The following SREBF1 variants were observed in gnomAD, a reference collection of about 807,000 sequenced individuals.
SREBF1 encodes sterol regulatory element-binding protein 1.
In SREBF1, 45 loss-of-function variants were observed where a neutral mutation model predicts 100.1. The ratio of observed to expected loss-of-function variants is 0.45; its 90% CI spans 0.35 to 0.58. The LOEUF (loss-of-function observed/expected upper bound fraction) is 0.58. Ranked by LOEUF, SREBF1 falls within the 20% of genes least tolerant of loss-of-function variation. The pLI is 0.00. For missense variants in SREBF1, 1,324 were observed against 1,539.4 expected (o/e 0.86, Z 2.34); for synonymous variants, 657 against 681.8 (o/e 0.96, Z 0.57).
chr17:17,836,751 C>A lies in SREBF1; in HGVS notation c.67G>T (p.Ala23Ser). The change falls in exon 1 of 19, where the codon GCG becomes TCG. Residue 23 changes from alanine (A) to serine (S), a missense_variant. Ala to Ser is a moderately conservative substitution (Grantham distance 99). Coordinates refer to ENST00000261646, the MANE Select transcript of SREBF1 (RefSeq NM_004176.5). ...CCTTCGATGTCGGTCAGCAGCGCCG[C>A]GTCCAGATCGCACGGCTCGCCCAGC... ...QALGEPCDLD[A>S]ALLTDIEDML... The A allele has an allele frequency of 6.4e-7, 1 of 1,573,026 alleles. No individual in the cohort carries two copies. The highest frequency in any genetic ancestry group is 1.3e-5 in the African/African-American group (1 of 74,476).
chr17:17,812,741 C>T lies in SREBF1; in HGVS notation c.3325G>A (p.Val1109Met), dbSNP rs774820966. 3.2e-6 allele frequency: 5 copies of T among 1,559,998 alleles called. No homozygotes were observed. Among genetic ancestry groups the T allele is most frequent in the Admixed American group, 1.8e-5 (1 of 54,372 alleles). Residue 1109 changes from valine to methionine, a missense_variant, in exon 19 of 19, where the codon GTG becomes ATG. By Grantham distance (21) the Val-to-Met change is conservative. Transcript: ENST00000261646. ...PGFLSAPGQR[V>M]GMLAEAARTL... ...CGCGCCGCCTCAGCCAGCATGCCCA[C>T]GCGCTGCCCGGGCGCCGACAGGAAG... is the stretch of plus-strand genomic sequence containing the variant.
chr17:17,815,157 C>T, intron 13 of SREBF1, 64 bp downstream of exon 13: 1 of 1,489,464 alleles, frequency 6.7e-7, no homozygotes, highest in Non-Finnish European at 9.4e-7. Context: ...AGGGTTGAGG[C>T]CAGAGCTATT....
chr17:17,811,982 G>T lies in SREBF1; in HGVS notation c.*640C>A. 2.2e-6 allele frequency: 1 copy of T among 444,528 alleles called. No individual in the cohort carries two copies. The highest frequency in any genetic ancestry group is 4.5e-6 in the Non-Finnish European group (1 of 223,382). 27.5% of individuals were successfully genotyped at this position (444,528 alleles called of 1,614,324 possible). The stretch of plus-strand genomic sequence containing the variant: ...GTTAAAAGTTGTGTACCTTGTGGCC[G>T]GAGGGGGAGGGGAAGCCTTTCCCTA... On this transcript the variant is annotated 3_prime_UTR_variant, in exon 19 of 19. Coordinates refer to ENST00000261646, the MANE Select transcript of SREBF1 (RefSeq NM_004176.5).
Position 17,817,605 on chromosome 17 carries a change from G to A in SREBF1, c.1404+91C>T. 2 of 1,562,428 alleles carry A rather than the reference G, an allele frequency of 1.3e-6. No individual in the cohort carries two copies. Among genetic ancestry groups the A allele is most frequent in the Non-Finnish European group, 1.8e-6 (2 of 1,142,792 alleles). ...CAGTTATTCTGTCTATGAAATGGGA[G>A]GTAGGATCTGTTAGGGTCTTCCCGG... On this transcript the variant is annotated intron_variant, in intron 7 of 18. Coordinates refer to ENST00000261646, the MANE Select transcript of SREBF1 (RefSeq NM_004176.5). This position sits in a 1 kb window ranked among gnomAD's most constrained non-coding sequence, Gnocchi z 6.6.
chr17:17,819,673 G>A lies in SREBF1; in HGVS notation c.576C>T (p.Ser192=), dbSNP rs372105506. 1.6e-5 allele frequency: 26 copies of A among 1,611,564 alleles called. No homozygotes were observed. The highest frequency in any genetic ancestry group is 1.9e-5 in the Non-Finnish European group (22 of 1,179,230). The part of the protein sequence containing the change: ...QQPLPGLPLA[S]PPGVPPVSLH... ...AGGAGACGGGCGGGACCCCTGGCGG[G>A]GAAGCCAGTGGCAGGCCAGGCAGCG... Residue 192 remains serine, a synonymous_variant, in exon 3 of 19, where the codon TCC becomes TCT. Coordinates refer to ENST00000261646, the MANE Select transcript of SREBF1 (RefSeq NM_004176.5).
At chr17:17,829,183 C>A (rs1181987574) in intron 1 of SREBF1, among the ~76,000 whole-genome samples, 2 of 100,964 alleles carry the variant, frequency 2.0e-5, no homozygotes, top group East Asian at 2.9e-4. Flanking sequence ...CAGAACGAGA[C>A]TCCATCTTAA....
At chr17:17,829,985 T>G (rs2034758644) in intron 1 of SREBF1, among the ~76,000 whole-genome samples, 1 of 152,098 alleles carries the variant, frequency 6.6e-6, no homozygotes, top group African/African-American at 2.4e-5. Context: ...TTGTTCCCCA[T>G]GGCGGGGGGT....
chr17:17,819,198 G>C lies in SREBF1; in HGVS notation c.883C>G (p.Pro295Ala), dbSNP rs748528832. 8 of 1,614,036 alleles carry C rather than the reference G, an allele frequency of 5.0e-6. No homozygotes were observed. In the Admixed American group the frequency reaches 1.3e-4, roughly 27 times the overall value. The part of the protein sequence containing the change: ...VSGGTILATV[P>A]LVVDAEKLPI... The stretch of plus-strand genomic sequence containing the variant: ...AGCTTCTCCGCATCTACGACCAGTG[G>C]GACTGTTGCCAAGATGGTTCCGCCA... Residue 295 changes from proline (P) to alanine (A), a missense_variant, in exon 5 of 19, where the codon CCA becomes GCA. Transcript: ENST00000261646.
chr17:17,819,685 C>A lies in SREBF1; in HGVS notation c.564G>T (p.Leu188=). Residue 188 remains leucine (L), a synonymous_variant, in exon 3 of 19, where the codon CTG becomes CTT. Coordinates refer to ENST00000261646, the MANE Select transcript of SREBF1 (RefSeq NM_004176.5). ...GGACCCCTGGCGGGGAAGCCAGTGG[C>A]AGGCCAGGCAGCGGCTGCTGGGTGT... ...PGNTQQPLPG[L]PLASPPGVPP... 1 of 1,610,326 alleles carries A rather than the reference C, an allele frequency of 6.2e-7. No homozygotes were observed. Among genetic ancestry groups the A allele is most frequent in the African/African-American group, 1.3e-5 (1 of 75,024 alleles).
At chr17:17,825,033 TAAGAC>T (rs1174036345) in intron 1 of SREBF1, among the ~76,000 whole-genome samples, 1 of 152,138 alleles carries the variant, frequency 6.6e-6, no homozygotes, top group African/African-American at 2.4e-5. Context: ...ATGAGTGACT[TAAGAC>T]AGGGAAGCGT....
chr17:17,836,529 G>T (rs2143264336), intron 1 of SREBF1, among the ~76,000 whole-genome samples, 198 bp downstream of exon 1: 1 of 152,272 alleles, frequency 6.6e-6, no homozygotes, highest in South Asian at 2.1e-4. Flanking sequence ...ACCCACAAGC[G>T]CGCGGCCCGA....
At chr17:17,835,504 A>C (rs966138251) in intron 1 of SREBF1, among the ~76,000 whole-genome samples, 3 of 152,060 alleles carry the variant, frequency 2.0e-5, no homozygotes, top group Non-Finnish European at 4.4e-5. Context: ...GGTGGCATAG[A>C]TATATCTGTT....
chr17:17,814,485 G>A lies in SREBF1; in HGVS notation c.2736-75C>T, dbSNP rs536487832. 167 of 1,541,002 alleles carry A rather than the reference G, an allele frequency of 1.1e-4. 1 individual carries two copies. Among genetic ancestry groups the A allele is most frequent in the Middle Eastern group, 3.5e-4 (2 of 5,646 alleles). On this transcript the variant is annotated intron_variant, in intron 15 of 18. Coordinates refer to ENST00000261646, the MANE Select transcript of SREBF1 (RefSeq NM_004176.5). ...TGGCTGAGTGCCCCCCACTTCCCTGGCTCGAGTTCCCTGAGGAAAAAAGGT... is the reference window on the plus strand; with the variant it reads ...TGGCTGAGTGCCCCCCACTTCCCTGACTCGAGTTCCCTGAGGAAAAAAGGT...
At chr17:17,825,369 G>T (rs1712752366) in intron 1 of SREBF1, among the ~76,000 whole-genome samples, 1 of 152,136 alleles carries the variant, frequency 6.6e-6, no homozygotes, top group African/African-American at 2.4e-5. Flanking sequence ...AGCCCCAGGG[G>T]CAGCAGAGTC....
In SREBF1 at chr17:17,817,302, G is replaced by C. The variant is rs1300930104; in HGVS notation, c.1560C>G (p.Ser520Arg). The C allele has an allele frequency of 6.2e-7, 1 of 1,607,342 alleles. No homozygotes were observed. Among genetic ancestry groups the C allele is most frequent in the Admixed American group, 1.7e-5 (1 of 58,794 alleles). ...CGTTGCGCCCAGGGCTATGGTAGAC[G>C]CTGGTGGTATCTGAGGGGCTGGGAA... The part of the protein sequence containing the change: ...RGLPSPSDTT[S>R]VYHSPGRNVL... The change falls in exon 8 of 19, where the codon AGC becomes AGG. Residue 520 changes from serine (S) to arginine (R), a missense_variant. By Grantham distance (110) the Ser-to-Arg change is moderately radical (BLOSUM62 -1). Coordinates refer to ENST00000261646, the MANE Select transcript of SREBF1 (RefSeq NM_004176.5). The surrounding 1 kb of genome is among the most constrained non-coding windows in gnomAD (Gnocchi z 6.6).
At chr17:17,832,938 A>C (rs4925117) in intron 1 of SREBF1, among the ~76,000 whole-genome samples, 83,309 of 149,412 alleles carry the variant, frequency 0.56, 23,972 homozygotes, top group Non-Finnish European at 0.63. Flanking sequence ...AACAAACAAA[A>C]AAAAAAAAAC....
chr17:17,836,805 G>T lies in SREBF1; in HGVS notation c.13C>A (p.Pro5Thr). ...TGCTCCAAAGCCGCCTCGCTGAAGG[G>T]TGGCTCGTCCATGGCGCAGCCGCCT... MDEP[P>T]FSEAALEQAL... The change falls in exon 1 of 19, where the codon CCC (proline) becomes ACC (threonine). Residue 5 changes from proline to threonine, a missense_variant. Transcript: ENST00000261646. The T allele has an allele frequency of 6.5e-7, 1 of 1,541,006 alleles. No individual in the cohort carries two copies. The highest frequency in any genetic ancestry group is 8.7e-7 in the Non-Finnish European group (1 of 1,150,388).
At chr17:17,813,120 G>A in intron 18 of SREBF1, 1 of 603,136 alleles carries the variant, frequency 1.7e-6, no homozygotes, top group Non-Finnish European at 2.9e-6. Context: ...TAACCATCAA[G>A]AAGATGCTTG....
At chr17:17,816,907 T>C in intron 9 of SREBF1, 51 bp downstream of exon 9, 2 of 1,610,786 alleles carry the variant, frequency 1.2e-6, no homozygotes, top group Non-Finnish European at 1.7e-6. Flanking sequence ...CCCAGCACCT[T>C]CACAGCCTGG....
Sources: gnomAD v4.1 joint callset for allele counts (sites outside exome capture counted in the v4.1 genomes callset) on GRCh38, gnomAD v4.1.1 for gene constraint, Gnocchi (gnomAD v3.1) non-coding constraint, MANE v1.5 for transcripts, NCBI Gene and HGNC (gene_info 2026-07-23, HGNC 2026-07-21) for gene names.